Variants in BTG4 observed in about 807,000 individuals in gnomAD.
The protein encoded by BTG4 is BTG anti-proliferation factor 4, also known as protein BTG4.
A neutral mutation model predicts 19.3 loss-of-function variants in BTG4; 10 were observed. That is an observed-to-expected ratio of 0.52 (90% confidence interval 0.32 to 0.88). The LOEUF (loss-of-function observed/expected upper bound fraction) is 0.88, where lower values mean the gene tolerates loss of function less well. BTG4 is among the 40% of genes least tolerant of loss of function. The pLI is 0.04. For synonymous variants in BTG4, 91 were observed against 95.7 expected (o/e 0.95, Z 0.29); for missense variants, 238 against 281.9 (o/e 0.84, Z 1.11).
intron 5 of BTG4, among the ~76,000 whole-genome samples, chr11:111,488,366 T>C (rs1429048918): frequency 6.6e-6 from 1 of 152,130 alleles, no homozygotes; most frequent in Non-Finnish European, 1.5e-5. Flanking sequence ...GTCTCATCAA[T>C]AAATAGTGTG....
At chr11:111,416,486 A>G in the BTG4 span, 1 of 152,020 alleles carries the variant, frequency 6.6e-6, no homozygotes, top group Non-Finnish European at 1.5e-5. Context: ...TCGGAGCACA[A>G]ACAGATCTGA....
chr11:111,505,633 G>T (rs1345911022), intron 1 of BTG4, among the ~76,000 whole-genome samples: 1 of 151,768 alleles, frequency 6.6e-6, no homozygotes, highest in African/African-American at 2.4e-5. Flanking sequence ...TAGAGAAATA[G>T]GACATAAACT....
chr11:111,448,111 C>T, the BTG4 span, among the ~76,000 whole-genome samples: 1 of 152,242 alleles, frequency 6.6e-6, no homozygotes, highest in African/African-American at 2.4e-5. Context: ...GCTTCCATAG[C>T]TGTCTTCTGC....
At chr11:111,504,936 A>G (rs1866346009) in intron 1 of BTG4, among the ~76,000 whole-genome samples, 1 of 152,134 alleles carries the variant, frequency 6.6e-6, no homozygotes, top group Non-Finnish European at 1.5e-5. Context: ...CTCTACAAGG[A>G]GAACTACAAA....
chr11:111,451,304 TGA>T, the BTG4 span: 1 of 408,412 alleles, frequency 2.4e-6, no homozygotes, highest in Non-Finnish European at 5.2e-6. Context: ...GGGCCCTGGC[TGA>T]GGAGTCCCAG....
chr11:111,443,766 C>A, the BTG4 span, among the ~76,000 whole-genome samples: 1 of 152,248 alleles, frequency 6.6e-6, no homozygotes, highest in South Asian at 2.1e-4. Flanking sequence ...CAGCTGGGGG[C>A]AACAGGACGA....
At chr11:111,411,929 G>T in the BTG4 span, among the ~76,000 whole-genome samples, 5 of 152,170 alleles carry the variant, frequency 3.3e-5, no homozygotes, top group African/African-American at 4.8e-5. Context: ...AGATACATGA[G>T]AACCCCAGAA....
the BTG4 span, among the ~76,000 whole-genome samples, chr11:111,436,542 G>C: frequency 6.6e-6 from 1 of 151,526 alleles, no homozygotes; most frequent in Non-Finnish European, 1.5e-5. Context: ...AGAGAGAATC[G>C]CTTGAATCTG....
chr11:111,502,395 A>G (rs1483452119), intron 1 of BTG4, among the ~76,000 whole-genome samples: 1 of 152,190 alleles, frequency 6.6e-6, no homozygotes, highest in African/African-American at 2.4e-5. Context: ...CTTAGCTGTG[A>G]AGAAGATTTT....
At chr11:111,502,637 C>T (rs139459952) in intron 1 of BTG4, among the ~76,000 whole-genome samples, 2 of 152,126 alleles carry the variant, frequency 1.3e-5, no homozygotes, top group African/African-American at 4.8e-5. Context: ...TTAACAAACA[C>T]AAAATTTTTT....
At chr11:111,394,446 T>C in the BTG4 span, among the ~76,000 whole-genome samples, 30 of 152,340 alleles carry the variant, frequency 2.0e-4, no homozygotes, top group African/African-American at 7.2e-4. Flanking sequence ...GGGAAACCCC[T>C]TTTGCTTAGT....
chr11:111,464,315 T>A (rs1375306452), downstream of BTG4, among the ~76,000 whole-genome samples: 1 of 152,126 alleles, frequency 6.6e-6, no homozygotes, highest in African/African-American at 2.4e-5. Context: ...TCTTTTTGAC[T>A]CAATCTCAGA....
the BTG4 span, chr11:111,455,637 C>T: frequency 1.6e-5 from 5 of 319,004 alleles, no homozygotes; most frequent in African/African-American, 6.4e-5. Flanking sequence ...ATCTGGCCAA[C>T]CTGGATCAGA....
At chr11:111,447,578 G>GCACA in the BTG4 span, among the ~76,000 whole-genome samples, 2 of 152,144 alleles carry the variant, frequency 1.3e-5, no homozygotes, top group Admixed American at 1.3e-4. Flanking sequence ...GCACACGCAT[G>GCACA]CACACACACC....
chr11:111,455,237 C>T, the BTG4 span: 1 of 354,644 alleles, frequency 2.8e-6, no homozygotes, highest in Middle Eastern at 1.0e-3. Flanking sequence ...CCCACCATCT[C>T]TGGGAATTTC....
chr11:111,484,013 T>G (rs1864899748), intron 5 of BTG4, among the ~76,000 whole-genome samples: 1 of 152,140 alleles, frequency 6.6e-6, no homozygotes, highest in Non-Finnish European at 1.5e-5. Context: ...GGATCTCTGG[T>G]ATATCTGGCA....
At chr11:111,438,841 C>A in the BTG4 span, among the ~76,000 whole-genome samples, 1 of 152,210 alleles carries the variant, frequency 6.6e-6, no homozygotes, top group African/African-American at 2.4e-5. Flanking sequence ...GAACCTCCCC[C>A]GTCCTAACTG....
Position 111,497,378 on chromosome 11 carries a change from C to G in BTG4, c.343G>C (p.Ala115Pro). 7.2e-7 allele frequency: 1 copy of G among 1,396,942 alleles called. No homozygotes were observed. 86.5% of individuals were successfully genotyped at this position (1,396,942 alleles called of 1,614,324 possible). The stretch of plus-strand genomic sequence containing the variant: ...TCCTCCCATCTGCCTTTAAAAGAAG[C>G]AACTGTAAATGGATGGTTTTTCTCA... ...YGEKNHPFTV[A>P]SFKGRWEEWE... Residue 115 changes from alanine (A) to proline (P), a missense_variant, in exon 4 of 5, where the codon GCT becomes CCT. Ala to Pro is a conservative substitution (Grantham distance 27). Coordinates refer to ENST00000692032, the MANE Select transcript of BTG4 (RefSeq NM_001367975.1).
At chr11:111,454,879 A>AG in the BTG4 span, 2 of 419,578 alleles carry the variant, frequency 4.8e-6, no homozygotes, top group South Asian at 3.4e-5. Context: ...TGTTGGCAGC[A>AG]GGGGGCGCTG....
Sources: allele counts gnomAD v4.1 joint callset (sites outside exome capture counted in the v4.1 genomes callset), GRCh38; gene constraint gnomAD v4.1.1; transcripts MANE v1.5; gene names NCBI Gene and HGNC (gene_info 2026-07-23, HGNC 2026-07-21).